TMEM131: variants seen among roughly 807,000 people sequenced by gnomAD.
TMEM131 encodes 2610524E03Rik.
Under a neutral mutation model 211.6 loss-of-function variants are expected in TMEM131, and 66 were observed. That is an observed-to-expected ratio of 0.31 (90% CI 0.26 to 0.38). TMEM131 has a LOEUF of 0.38. Among genes scored for constraint, TMEM131 ranks in the 10% least tolerant of loss-of-function variants. The pLI is 1.00. For synonymous variants in TMEM131, 844 were observed against 841.3 expected (o/e 1.00, Z -0.06); for missense variants, 2,036 against 2,299.3 (o/e 0.89, Z 2.34).
intron 4 of TMEM131, among the ~76,000 whole-genome samples, chr2:97,866,120 G>C (rs1186525519): frequency 6.6e-6 from 1 of 152,186 alleles, no homozygotes; most frequent in Non-Finnish European, 1.5e-5. Context: ...CTGACCTCGT[G>C]ATCCGCCTGC....
At chr2:97,848,667 C>T (rs1683560216) in intron 5 of TMEM131, among the ~76,000 whole-genome samples, 1 of 151,448 alleles carries the variant, frequency 6.6e-6, no homozygotes, top group Non-Finnish European at 1.5e-5. Flanking sequence ...TTGACTGAAT[C>T]CATGGATGAG....
chr2:97,920,366 T>C (rs1160784111), intron 2 of TMEM131, among the ~76,000 whole-genome samples: 1 of 152,184 alleles, frequency 6.6e-6, no homozygotes, highest in Non-Finnish European at 1.5e-5. Context: ...GTTGTATTTC[T>C]GAGATGAGGA....
chr2:97,802,565 G>C (rs1445914579), intron 23 of TMEM131, 28 bp from the exon 24 acceptor site: 1 of 1,599,854 alleles, frequency 6.3e-7, no homozygotes, highest in Non-Finnish European at 8.5e-7. Flanking sequence ...AACATTAAAT[G>C]AAAGATTTCT....
chr2:97,833,630 T>C (rs1682810732), intron 10 of TMEM131, among the ~76,000 whole-genome samples: 1 of 149,436 alleles, frequency 6.7e-6, no homozygotes, highest in Non-Finnish European at 1.5e-5. Context: ...TTAAACCAGA[T>C]TTTTGAAAAC....
chr2:97,910,285 A>G (rs1676240631), intron 2 of TMEM131, among the ~76,000 whole-genome samples: 1 of 152,180 alleles, frequency 6.6e-6, no homozygotes, highest in Admixed American at 6.5e-5. Flanking sequence ...TAGTGTGAAT[A>G]TTAAAATGGT....
intron 4 of TMEM131, among the ~76,000 whole-genome samples, chr2:97,859,767 C>T (rs1180299109): frequency 6.6e-6 from 1 of 152,152 alleles, no homozygotes; most frequent in Non-Finnish European, 1.5e-5. Flanking sequence ...CCAATTGTGT[C>T]CTCTTCTCAA....
Position 97,826,095 on chromosome 2 carries a change from A to C in TMEM131, c.1074+7270T>G, listed in dbSNP as rs150324003. ...TATGCCACCTGAGATGATCTCTTAG[A>C]AGTCCCCTTAGCTAATCCTGAACTT... On this transcript the variant is annotated intron_variant, in intron 11 of 40. Transcript: ENST00000186436. Among the ~76,000 whole-genome samples, 79 of 152,350 alleles carry C rather than the reference A, an allele frequency of 5.2e-4. 1 individual carries two copies. The highest frequency in any genetic ancestry group is 1.8e-3 in the African/African-American group (74 of 41,586).
chr2:97,970,409 C>T (rs1010152063), intron 1 of TMEM131, among the ~76,000 whole-genome samples: 17 of 152,162 alleles, frequency 1.1e-4, no homozygotes, highest in Admixed American at 5.2e-4. Flanking sequence ...AAAGATAGCA[C>T]GCCTAATCTG....
chr2:97,841,764 A>C (rs1683207915), intron 7 of TMEM131, 51 bp downstream of exon 7: 3 of 1,522,060 alleles, frequency 2.0e-6, no homozygotes, highest in South Asian at 2.6e-5. Context: ...CATGCTAAGC[A>C]TTAATTCCCA....
chr2:97,836,193 A>G (rs559745088), intron 8 of TMEM131, among the ~76,000 whole-genome samples: 38 of 152,356 alleles, frequency 2.5e-4, no homozygotes, highest in Non-Finnish European at 4.3e-4. Flanking sequence ...AATTAACCAA[A>G]TAACTGGCTG....
rs116426288 is a variant in TMEM131, at chr2:97,854,399, C to T, written c.483+4905G>A. On this transcript the variant is annotated intron_variant, in intron 5 of 40. Transcript: ENST00000186436. ...ACTGGCTTACTGCAGTGGTCTGGAA[C>T]GGAACCCATAATATCTCCAAGGTAT... Among the ~76,000 whole-genome samples, 901 of 152,266 alleles carry T rather than the reference C, an allele frequency of 5.9e-3. 15 individuals are homozygous for T. Among genetic ancestry groups the T allele is most frequent in the African/African-American group, 0.021 (859 of 41,528 alleles).
At chr2:97,917,816 A>G (rs1345430927) in intron 2 of TMEM131, among the ~76,000 whole-genome samples, 4 of 152,164 alleles carry the variant, frequency 2.6e-5, no homozygotes, top group African/African-American at 9.7e-5. Context: ...ATCCAGTTTC[A>G]TCAGGTAGGT....
intron 5 of TMEM131, among the ~76,000 whole-genome samples, chr2:97,844,499 T>C (rs1683335417): frequency 6.6e-6 from 1 of 152,226 alleles, no homozygotes; most frequent in Non-Finnish European, 1.5e-5. Context: ...TGGATTCTGT[T>C]CATTTAACAA....
Position 97,927,482 on chromosome 2 carries a change from C to A in TMEM131, c.193G>T (p.Val65Phe). The A allele has an allele frequency of 6.4e-7, 1 of 1,570,466 alleles. No homozygotes were observed. The highest frequency in any genetic ancestry group is 1.2e-5 in the South Asian group (1 of 80,118). The change falls in exon 2 of 41, where the codon GTT becomes TTT. Residue 65 changes from valine (V) to phenylalanine (F), a missense_variant. Transcript: ENST00000186436. ...AAARAEKEAFVQSESIIEVLR... is the reference protein window; with the variant it reads ...AAARAEKEAFFQSESIIEVLR... Reference sequence around the variant, plus strand: ...ACTTCTATTATGCTCTCTGACTGAACGAATGCTGTGAAGAAAACAAAACAT... The same window carrying A: ...ACTTCTATTATGCTCTCTGACTGAAAGAATGCTGTGAAGAAAACAAAACAT...
chr2:97,767,876 A>G (rs1391466295), intron 33 of TMEM131, among the ~76,000 whole-genome samples: 1 of 152,188 alleles, frequency 6.6e-6, no homozygotes, highest in Non-Finnish European at 1.5e-5. Flanking sequence ...GTTCTGGGTC[A>G]GAGGCAATCT....
At chr2:97,987,009 G>A (rs1461530085) in intron 1 of TMEM131, among the ~76,000 whole-genome samples, 3 of 152,162 alleles carry the variant, frequency 2.0e-5, no homozygotes, top group Non-Finnish European at 4.4e-5. Flanking sequence ...GAAAATCCAT[G>A]TAGGGCCCTT....
chr2:97,780,115 T>C (rs577783431), intron 31 of TMEM131, among the ~76,000 whole-genome samples: 1 of 152,278 alleles, frequency 6.6e-6, no homozygotes, highest in East Asian at 1.9e-4. Flanking sequence ...ATAAATTCTA[T>C]CCAGGTTTAT....
At chr2:97,765,313 T>G (rs1679108097) in intron 35 of TMEM131, 1 of 152,326 alleles carries the variant, frequency 6.6e-6, no homozygotes, top group Non-Finnish European at 1.5e-5. Flanking sequence ...CAAGGCTCTC[T>G]GCCCTCATTC....
chr2:97,968,665 C>G (rs1340998778), intron 1 of TMEM131, among the ~76,000 whole-genome samples: 1 of 152,178 alleles, frequency 6.6e-6, no homozygotes, highest in East Asian at 1.9e-4. Flanking sequence ...CAACATCTCC[C>G]ACTCATCTGT....
Sources: allele counts gnomAD v4.1 joint callset (sites outside exome capture counted in the v4.1 genomes callset), GRCh38; gene constraint gnomAD v4.1.1; transcripts MANE v1.5; gene names NCBI Gene and HGNC (gene_info 2026-07-23, HGNC 2026-07-21).